The following CTBP2 variants were observed in gnomAD, a reference collection of about 807,000 sequenced individuals.
CTBP2 encodes C-terminal binding protein 2.
A neutral mutation model predicts 80.3 loss-of-function variants in CTBP2; 30 were observed. That is an observed-to-expected ratio of 0.37 (90% CI 0.28 to 0.51). CTBP2 has a LOEUF of 0.51. CTBP2 is among the 20% of genes least tolerant of loss of function. CTBP2 has a pLI of 0.93. For missense variants in CTBP2, 1,212 were observed against 1,375.3 expected (o/e 0.88, Z 1.88); for synonymous variants, 594 against 587.4 (o/e 1.01, Z -0.16).
At chr10:125,104,506 A>G (rs1447631186) in intron 2 of CTBP2, among the ~76,000 whole-genome samples, 3 of 152,232 alleles carry the variant, frequency 2.0e-5, no homozygotes. Flanking sequence ...TGAAATATGT[A>G]TAAATGTCAC....
At chr10:125,060,669 T>A (rs983699679) in intron 2 of CTBP2, among the ~76,000 whole-genome samples, 3 of 152,176 alleles carry the variant, frequency 2.0e-5, no homozygotes, top group African/African-American at 7.2e-5. Context: ...GGAAGAGGGA[T>A]TGGGTGTATT....
intron 2 of CTBP2, among the ~76,000 whole-genome samples, chr10:125,076,077 G>A (rs529707912): frequency 1.3e-5 from 2 of 152,280 alleles, no homozygotes; most frequent in Non-Finnish European, 2.9e-5. Context: ...CAATGGAACC[G>A]TACACAGAAA....
At chr10:125,132,278 T>C (rs769106053) in intron 1 of CTBP2, among the ~76,000 whole-genome samples, 23 of 152,226 alleles carry the variant, frequency 1.5e-4, no homozygotes, top group Non-Finnish European at 3.1e-4. Flanking sequence ...AGCATCATTT[T>C]ATAAACCACT....
At chr10:125,121,447 G>A (rs1049009170) in intron 1 of CTBP2, among the ~76,000 whole-genome samples, 1 of 152,210 alleles carries the variant, frequency 6.6e-6, no homozygotes, top group Middle Eastern at 3.2e-3. Flanking sequence ...AAGGTTGGGG[G>A]AGATTTCAAT....
intron 1 of CTBP2, among the ~76,000 whole-genome samples, chr10:125,157,835 G>GT (rs1048157699): frequency 6.6e-6 from 1 of 152,242 alleles, no homozygotes; most frequent in East Asian, 1.9e-4. Context: ...AAGAGGGCCT[G>GT]TTTTTTTGCT....
chr10:125,029,994 A>G (rs1414298163), upstream of CTBP2, among the ~76,000 whole-genome samples: 1 of 152,078 alleles, frequency 6.6e-6, no homozygotes, highest in African/African-American at 2.4e-5. Flanking sequence ...TTCCATTTCT[A>G]TCAACTTTCA....
At chr10:125,010,962 T>TA (rs1955824296) in intron 1 of CTBP2, among the ~76,000 whole-genome samples, 1 of 152,252 alleles carries the variant, frequency 6.6e-6, no homozygotes, top group African/African-American at 2.4e-5. Flanking sequence ...GCCAGGATCT[T>TA]AATCTTCCAA....
chr10:125,058,261 C>T (rs1282371180), intron 2 of CTBP2, among the ~76,000 whole-genome samples: 1 of 152,054 alleles, frequency 6.6e-6, no homozygotes, highest in African/African-American at 2.4e-5. Flanking sequence ...AGAATACAGG[C>T]ACCAGAAAAC....
chr10:124,999,931 C>G (rs780778516), intron 3 of CTBP2: 5 of 152,190 alleles, frequency 3.3e-5, no homozygotes, highest in Non-Finnish European at 7.3e-5. Flanking sequence ...GTGCTGCTGC[C>G]GGGGCTGGCT....
At chr10:125,025,261 G>A (rs1957421163) in intron 1 of CTBP2, among the ~76,000 whole-genome samples, 1 of 152,170 alleles carries the variant, frequency 6.6e-6, no homozygotes, top group South Asian at 2.1e-4. Flanking sequence ...TAAATTTGTG[G>A]TCAAGACTCT....
At position 125,070,559 on chromosome 10, in the gene CTBP2, AAATG is replaced by A. The variant is rs1404147979; in HGVS notation, c.-101-31408_-101-31405del. ...GTGACAGTGAGACTCAATTTCTAAAAAATGATAATGATAATAATAATAATAATGA... is the reference window on the plus strand; with the variant it reads ...GTGACAGTGAGACTCAATTTCTAAAAATAATGATAATAATAATAATAATGA... On this transcript the variant is annotated intron_variant, in intron 2 of 10. Transcript: ENST00000337195. Among the ~76,000 whole-genome samples, 9 of 149,660 alleles carry A rather than the reference AAATG, an allele frequency of 6.0e-5. No homozygotes were observed. The East Asian group carries it at 7.8e-4, about 13-fold the overall frequency.
chr10:125,093,618 G>C (rs568032266), intron 2 of CTBP2, among the ~76,000 whole-genome samples: 1 of 152,028 alleles, frequency 6.6e-6, no homozygotes, highest in Admixed American at 6.5e-5. Context: ...CCCTTCTTTC[G>C]ACACAGCTGG....
upstream of CTBP2, among the ~76,000 whole-genome samples, chr10:125,029,850 G>C (rs113088548): frequency 6.6e-6 from 1 of 152,176 alleles, no homozygotes; most frequent in Non-Finnish European, 1.5e-5. Context: ...ACCCGGTAGC[G>C]CCTAAGAAAC....
chr10:125,160,878 T>C (rs1458163610), upstream of CTBP2: 1 of 145,228 alleles, frequency 6.9e-6, no homozygotes, highest in African/African-American at 2.6e-5. Context: ...ACGTCCTGGA[T>C]GCCGAGCGCC....
At chr10:125,069,823 A>ACC (rs1302501053) in intron 2 of CTBP2, among the ~76,000 whole-genome samples, 1 of 150,264 alleles carries the variant, frequency 6.7e-6, no homozygotes, top group Non-Finnish European at 1.5e-5. Flanking sequence ...CAACTCCACC[A>ACC]CCATCAGGAA....
chr10:125,116,110 C>T (rs1853224867), intron 1 of CTBP2, among the ~76,000 whole-genome samples: 1 of 152,164 alleles, frequency 6.6e-6, no homozygotes. Context: ...AACCTGGTCC[C>T]TGCCCCAGGG....
Position 124,989,569 on chromosome 10 carries a change from G to T in CTBP2, c.2907C>A (p.Pro969=), listed in dbSNP as rs762050471. 1.2e-6 allele frequency: 2 copies of T among 1,613,576 alleles called. No individual in the cohort carries two copies. The highest frequency in any genetic ancestry group is 1.7e-6 in the Non-Finnish European group (2 of 1,179,844). ...TGTCCCCGTGTTTTGTGGGCTGGTT[G>T]GGAGAGGGCGCTTGGGAAGGATGTG... The change falls in exon 9 of 9, where the codon CCC becomes CCA. Residue 969 remains proline (P), a synonymous_variant. Coordinates refer to ENST00000309035, the MANE Select transcript of CTBP2 (RefSeq NM_022802.3).
At chr10:124,998,361 C>T in intron 3 of CTBP2, 191 bp from the exon 6 acceptor site, 1 of 629,700 alleles carries the variant, frequency 1.6e-6, no homozygotes, top group Non-Finnish European at 2.8e-6. Context: ...AAGCTCTAGC[C>T]CCAACATCTA....
intron 1 of CTBP2, among the ~76,000 whole-genome samples, chr10:125,156,552 T>G (rs1484973879): frequency 2.0e-5 from 3 of 151,970 alleles, no homozygotes; most frequent in Admixed American, 1.3e-4. Flanking sequence ...TCCTTTTCGG[T>G]TTTTTTTCAA....
Sources: allele counts gnomAD v4.1 joint callset (sites outside exome capture counted in the v4.1 genomes callset), GRCh38; gene constraint gnomAD v4.1.1; transcripts MANE v1.5; gene names NCBI Gene and HGNC (gene_info 2026-07-23, HGNC 2026-07-21).